Variants in SYTL3 observed in about 807,000 individuals in gnomAD.
SYTL3 encodes synaptotagmin-like protein 3.
SYTL3 carries 88 observed loss-of-function variants against 82.1 expected under a neutral mutation model. That is an observed-to-expected ratio of 1.07 (90% CI 0.90 to 1.28). SYTL3 has a LOEUF of 1.28. Ranked by LOEUF, SYTL3 falls within the 50% of genes most tolerant of loss-of-function variation. The pLI is 0.00. For missense variants in SYTL3, 831 were observed against 757.6 expected (o/e 1.10, Z -1.14); for synonymous variants, 311 against 289.4 (o/e 1.07, Z -0.76).
At chr6:158,678,016 A>G (rs1428070219) in intron 5 of SYTL3, among the ~76,000 whole-genome samples, 2 of 152,104 alleles carry the variant, frequency 1.3e-5, no homozygotes, top group Non-Finnish European at 2.9e-5. Context: ...CAGCCTCCTG[A>G]GGAGCTGGGA....
At chr6:158,748,531 A>C (rs1787951974) in intron 12 of SYTL3, among the ~76,000 whole-genome samples, 1 of 152,206 alleles carries the variant, frequency 6.6e-6, no homozygotes, top group Non-Finnish European at 1.5e-5. Flanking sequence ...AAAATGAATT[A>C]TTTAAACCTC....
At chr6:158,703,421 G>A (rs1481984392) in intron 6 of SYTL3, among the ~76,000 whole-genome samples, 1 of 152,132 alleles carries the variant, frequency 6.6e-6, no homozygotes, top group Admixed American at 6.5e-5. Flanking sequence ...GCCTCTCGAG[G>A]GATGCCTGTC....
chr6:158,697,003 C>T (rs1208538377), intron 6 of SYTL3, among the ~76,000 whole-genome samples: 1 of 151,540 alleles, frequency 6.6e-6, no homozygotes, highest in African/African-American at 2.4e-5. Flanking sequence ...TATTTCTTAG[C>T]CAACTTTTTT....
intron 6 of SYTL3, among the ~76,000 whole-genome samples, chr6:158,685,710 C>G (rs950065957): frequency 3.9e-5 from 6 of 151,958 alleles, no homozygotes; most frequent in African/African-American, 1.4e-4. Context: ...CCCAGCTACT[C>G]GGGAGGCTGA....
intron 6 of SYTL3, among the ~76,000 whole-genome samples, chr6:158,702,251 G>A (rs1356869077): frequency 3.3e-5 from 5 of 151,256 alleles, no homozygotes; most frequent in African/African-American, 9.7e-5. Context: ...ACTTGAACCC[G>A]GGAGGCGGAG....
chr6:158,719,735 T>G (rs1244343583), intron 10 of SYTL3, among the ~76,000 whole-genome samples: 2 of 152,204 alleles, frequency 1.3e-5, no homozygotes, highest in African/African-American at 4.8e-5. Context: ...CAGCATTGCT[T>G]CTTACCTACT....
At chr6:158,712,209 CAG>C (rs1444458022) in intron 8 of SYTL3, among the ~76,000 whole-genome samples, 1 of 152,178 alleles carries the variant, frequency 6.6e-6, no homozygotes, top group Non-Finnish European at 1.5e-5. Flanking sequence ...TTCCAGCTCT[CAG>C]AGACCAATTC....
intron 2 of SYTL3, among the ~76,000 whole-genome samples, chr6:158,658,867 T>C (rs1223577445): frequency 6.6e-6 from 1 of 152,160 alleles, no homozygotes; most frequent in East Asian, 1.9e-4. Context: ...AGGCGGACGT[T>C]GCAGTGAGCA....
chr6:158,708,347 C>G lies in SYTL3; in HGVS notation c.472C>G (p.Pro158Ala). 1 of 1,614,212 alleles carries G rather than the reference C, an allele frequency of 6.2e-7. No homozygotes were observed. Among genetic ancestry groups the G allele is most frequent in the East Asian group, 2.2e-5 (1 of 44,890 alleles). ...LSKISVVPPT[P>A]PPVSESQCSR... Reference sequence around the variant, plus strand: ...CAAAATTTCTGTGGTTCCTCCTACTCCACCTCCTGTCAGCGAGAGCCAGTG... The same window carrying G: ...CAAAATTTCTGTGGTTCCTCCTACTGCACCTCCTGTCAGCGAGAGCCAGTG... The change falls in exon 8 of 18, where the codon CCA becomes GCA. Residue 158 changes from proline to alanine, a missense_variant. Physicochemically the swap from Pro to Ala is conservative, Grantham distance 27. Transcript: ENST00000611299.
intron 6 of SYTL3, among the ~76,000 whole-genome samples, chr6:158,688,601 AAAATT>A (rs1779535364): frequency 6.6e-6 from 1 of 152,252 alleles, no homozygotes; most frequent in Admixed American, 6.5e-5. Flanking sequence ...TGTCTCTAAA[AAAATT>A]AAATGAAATT....
chr6:158,707,796 G>A (rs566976164), intron 7 of SYTL3, among the ~76,000 whole-genome samples: 1 of 152,320 alleles, frequency 6.6e-6, no homozygotes, highest in African/African-American at 2.4e-5. Flanking sequence ...TTATTAAAGT[G>A]TTTCTGAAAG....
chr6:158,680,667 G>T (rs542876152), intron 5 of SYTL3, among the ~76,000 whole-genome samples: 1 of 151,830 alleles, frequency 6.6e-6, no homozygotes, highest in East Asian at 1.9e-4. Context: ...TGGGAGGATC[G>T]CTTGAGCCCG....
intron 11 of SYTL3, 38 bp from the exon 12 acceptor site, chr6:158,745,438 TTAAC>T: frequency 6.5e-7 from 1 of 1,543,044 alleles, no homozygotes; most frequent in Non-Finnish European, 8.8e-7. Flanking sequence ...AAAAAGTGAA[TTAAC>T]TGAAGTAACT....
At chr6:158,708,049 G>A (rs1444932971) in intron 7 of SYTL3, among the ~76,000 whole-genome samples, 3 of 152,164 alleles carry the variant, frequency 2.0e-5, no homozygotes, top group Non-Finnish European at 4.4e-5. Context: ...GGTCCAGGCC[G>A]GAGCACCCAG....
At chr6:158,757,607 C>T (rs1007455885) in intron 14 of SYTL3, among the ~76,000 whole-genome samples, 2 of 152,036 alleles carry the variant, frequency 1.3e-5, no homozygotes, top group African/African-American at 2.4e-5. Context: ...GAACAGCCCC[C>T]GCCTCAGCAT....
intron 6 of SYTL3, among the ~76,000 whole-genome samples, chr6:158,702,553 G>A (rs368495053): frequency 2.5e-4 from 37 of 146,526 alleles, no homozygotes; most frequent in South Asian, 1.0e-3. Context: ...AAAACAAGAG[G>A]GGGGGAAAAG....
At chr6:158,723,404 C>T (rs1253329812) in intron 10 of SYTL3, among the ~76,000 whole-genome samples, 1 of 152,132 alleles carries the variant, frequency 6.6e-6, no homozygotes, top group Non-Finnish European at 1.5e-5. Context: ...GCTTTTAGTT[C>T]ATGCTGCCAA....
rs527925861 is a variant in SYTL3, at chr6:158,708,219, G to A, written c.447-103G>A. 1.1e-4 allele frequency: 113 copies of A among 1,073,612 alleles called. 1 individual carries two copies. The East Asian group carries it at 1.3e-3, about 12-fold the overall frequency. The allele number at this position is 1,073,612 out of a possible 1,614,324, so 66.5% of individuals were successfully genotyped here. A position where few individuals can be genotyped will look rare whatever the true frequency, so the allele number is the denominator to read the frequency against. On this transcript the variant is annotated intron_variant, in intron 7 of 17. Coordinates refer to ENST00000611299, the MANE Select transcript of SYTL3 (RefSeq NM_001242394.2). ...AAGTGAGGCAGTTTAAAAAAAAGGC[G>A]GAGAACTAGAATTATAGAATAATGG...
At chr6:158,755,955 T>C (rs1189623826) in intron 13 of SYTL3, among the ~76,000 whole-genome samples, 32 of 152,176 alleles carry the variant, frequency 2.1e-4, no homozygotes, top group Admixed American at 2.1e-3. Context: ...AGCTGCTTTT[T>C]TTTCACCTGC....
Sources: gnomAD v4.1 joint callset for allele counts (sites outside exome capture counted in the v4.1 genomes callset) on GRCh38, gnomAD v4.1.1 for gene constraint, MANE v1.5 for transcripts, NCBI Gene and HGNC (gene_info 2026-07-23, HGNC 2026-07-21) for gene names.